The following GAB2 variants were observed in gnomAD, a reference collection of about 807,000 sequenced individuals.
GAB2 encodes the protein GRB2 associated binding protein 2, also known as GRB2-associated-binding protein 2.
Under a neutral mutation model 65.5 loss-of-function variants are expected in GAB2, and 26 were observed. The ratio of observed to expected loss-of-function variants is 0.40; its 90% CI spans 0.29 to 0.55. The LOEUF (loss-of-function observed/expected upper bound fraction) is 0.55, where lower values mean the gene tolerates loss of function less well. Among genes scored for constraint, GAB2 ranks in the 20% least tolerant of loss-of-function variants. The pLI, the probability that GAB2 is intolerant of heterozygous loss-of-function variation, is 0.53. For synonymous variants in GAB2, 321 were observed against 329.6 expected, an observed-to-expected ratio of 0.97 and a Z score of 0.28; for missense variants, 884 against 875.8, an observed-to-expected ratio of 1.01 and a Z score of -0.12.
chr11:78,267,879 A>AAAAAAAAAAAAAAAAAC (rs1865910084), intron 2 of GAB2, among the ~76,000 whole-genome samples: 1 of 151,236 alleles, frequency 6.6e-6, no homozygotes, highest in Non-Finnish European at 1.5e-5. Context: ...AAAAAAAAAA[A>AAAAAAAAAAAAAAAAAC]AAGAGTCTCT....
chr11:78,303,800 T>C (rs890797413), intron 1 of GAB2, among the ~76,000 whole-genome samples: 1 of 152,174 alleles, frequency 6.6e-6, no homozygotes, highest in African/African-American at 2.4e-5. Flanking sequence ...GAAGAAGCCA[T>C]CCAGGCCTGG....
At chr11:78,302,142 A>G (rs1030327524) in intron 1 of GAB2, among the ~76,000 whole-genome samples, 3 of 152,260 alleles carry the variant, frequency 2.0e-5, no homozygotes, top group Admixed American at 6.5e-5. Context: ...AAAAGATTTC[A>G]TGACCATGAA....
At chr11:78,301,340 T>C (rs1166274164) in intron 1 of GAB2, among the ~76,000 whole-genome samples, 1 of 151,372 alleles carries the variant, frequency 6.6e-6, no homozygotes, top group Non-Finnish European at 1.5e-5. Context: ...GTTTTTTGTT[T>C]TTTTTTTGAG....
In GAB2 at chr11:78,306,353, C is replaced by T. The variant is rs533424318; in HGVS notation, c.76-25452G>A. ...TCAAGCAATTCTCCTGCCTCAGCCT[C>T]CCAAGTAGCTGGGACTACAGGCACA... On this transcript the variant is annotated intron_variant, in intron 1 of 9. Coordinates refer to ENST00000361507, the MANE Select transcript of GAB2 (RefSeq NM_080491.3). Among the ~76,000 whole-genome samples the T allele has an allele frequency of 3.3e-5, 5 of 152,280 alleles. No individual in the cohort carries two copies. The South Asian group carries it at 1.0e-3, about 32-fold the overall frequency.
chr11:78,413,447 A>T (rs1247281259), intron 1 of GAB2, among the ~76,000 whole-genome samples: 1 of 152,222 alleles, frequency 6.6e-6, no homozygotes, highest in Non-Finnish European at 1.5e-5. Context: ...AACTATGACC[A>T]AGCAGTGAAG....
At chr11:78,222,248 A>T (rs1864464389) in intron 6 of GAB2, 53 bp from the exon 7 acceptor site, 4 of 1,103,808 alleles carry the variant, frequency 3.6e-6, no homozygotes, top group Non-Finnish European at 5.6e-6. Context: ...AATGCTACAC[A>T]TACACACCTT....
intron 1 of GAB2, chr11:78,324,679 T>G (rs1042413613): frequency 6.6e-6 from 1 of 152,224 alleles, no homozygotes; most frequent in Non-Finnish European, 1.5e-5. Context: ...TATAATCTTC[T>G]GAAGTAGGAA....
intron 1 of GAB2, among the ~76,000 whole-genome samples, chr11:78,331,885 G>A (rs1855920786): frequency 6.6e-6 from 1 of 152,076 alleles, no homozygotes; most frequent in Non-Finnish European, 1.5e-5. Flanking sequence ...ATAGCCCAGA[G>A]GACACCATCC....
At chr11:78,366,652 G>A (rs1234131085) in intron 1 of GAB2, among the ~76,000 whole-genome samples, 1 of 148,748 alleles carries the variant, frequency 6.7e-6, no homozygotes, top group Admixed American at 6.7e-5. Flanking sequence ...AGGATGGGGG[G>A]TTAATTTACC....
intron 1 of GAB2, among the ~76,000 whole-genome samples, chr11:78,312,569 G>A (rs561198249): frequency 2.0e-5 from 3 of 152,108 alleles, no homozygotes; most frequent in Admixed American, 6.5e-5. Flanking sequence ...GGGATTACAG[G>A]TGCCCACCAC....
chr11:78,221,214 C>T (rs1045527618), intron 8 of GAB2, among the ~76,000 whole-genome samples: 6 of 152,244 alleles, frequency 3.9e-5, no homozygotes, highest in Non-Finnish European at 5.9e-5. Flanking sequence ...TATGCAGTGA[C>T]TACCAGGTGC....
intron 1 of GAB2, among the ~76,000 whole-genome samples, chr11:78,391,795 A>C (rs1366690507): frequency 1.3e-5 from 2 of 152,208 alleles, no homozygotes; most frequent in Non-Finnish European, 2.9e-5. Context: ...CCCTCTCTGA[A>C]TTCCTGACCC....
chr11:78,394,951 A>G (rs1022192087), intron 1 of GAB2, among the ~76,000 whole-genome samples: 5 of 152,172 alleles, frequency 3.3e-5, no homozygotes, highest in African/African-American at 9.7e-5. Flanking sequence ...TAGACAGGCA[A>G]CCTGTAAATG....
chr11:78,355,955 T>C (rs1039262280), intron 1 of GAB2, among the ~76,000 whole-genome samples: 1 of 151,826 alleles, frequency 6.6e-6, no homozygotes, highest in Non-Finnish European at 1.5e-5. Context: ...GGTGGATCAC[T>C]TGAGGTCAGG....
chr11:78,291,318 T>C (rs76501421), intron 1 of GAB2, among the ~76,000 whole-genome samples: 2 of 128,286 alleles, frequency 1.6e-5, no homozygotes, highest in Admixed American at 7.8e-5. Context: ...AAAAAAAAAT[T>C]AGCCAGGCGT....
intron 2 of GAB2, among the ~76,000 whole-genome samples, chr11:78,275,890 G>A (rs1048924135): frequency 6.6e-6 from 1 of 152,034 alleles, no homozygotes; most frequent in Non-Finnish European, 1.5e-5. Flanking sequence ...AAGGTGAGTG[G>A]ATCACTTGAG....
intron 1 of GAB2, among the ~76,000 whole-genome samples, chr11:78,333,166 A>T (rs941790157): frequency 6.6e-6 from 1 of 152,220 alleles, no homozygotes; most frequent in African/African-American, 2.4e-5. Flanking sequence ...TACAAAGGAA[A>T]ATCTTATCAC....
chr11:78,291,548 CT>C (rs1480308815), intron 1 of GAB2, among the ~76,000 whole-genome samples: 1 of 66,288 alleles, frequency 1.5e-5, no homozygotes, highest in African/African-American at 6.3e-5. Context: ...GAGAGACTTA[CT>C]TTTTTCTTTT....
intron 1 of GAB2, among the ~76,000 whole-genome samples, chr11:78,398,156 T>C (rs1306283488): frequency 1.3e-5 from 2 of 152,220 alleles, no homozygotes; most frequent in Non-Finnish European, 2.9e-5. Flanking sequence ...CCCCTGCTCT[T>C]GCAAGTCAGC....
Sources: allele counts gnomAD v4.1 joint callset (sites outside exome capture counted in the v4.1 genomes callset), GRCh38; gene constraint gnomAD v4.1.1; transcripts MANE v1.5; gene names NCBI Gene and HGNC (gene_info 2026-07-23, HGNC 2026-07-21).